NHLRC2: variants seen among roughly 807,000 people sequenced by gnomAD.
NHLRC2 encodes the protein NHL repeat containing 2.
NHLRC2 carries 33 observed loss-of-function variants against 68.1 expected under a neutral mutation model. That is an observed-to-expected ratio of 0.48 (90% CI 0.37 to 0.65). NHLRC2 has a LOEUF of 0.65. NHLRC2 is among the 30% of genes least tolerant of loss of function. NHLRC2 has a pLI of 0.00. For synonymous variants in NHLRC2, 311 were observed against 309.6 expected (o/e 1.00, Z -0.05); for missense variants, 761 against 853.8 (o/e 0.89, Z 1.35).
At chr10:113,858,148 G>C (rs1845778083) in intron 1 of NHLRC2, among the ~76,000 whole-genome samples, 1 of 149,684 alleles carries the variant, frequency 6.7e-6, no homozygotes, top group Admixed American at 6.7e-5. Context: ...TTTATTTGCA[G>C]ATGGCATCAT....
At chr10:113,856,326 A>G (rs377158667) in intron 1 of NHLRC2, among the ~76,000 whole-genome samples, 43 of 152,306 alleles carry the variant, frequency 2.8e-4, no homozygotes, top group African/African-American at 4.3e-4. Context: ...TGGGAGGTAT[A>G]TCGGAACCTG....
Position 113,908,646 on chromosome 10 carries a change from C to A in NHLRC2, c.*110C>A. 1 of 967,440 alleles carries A rather than the reference C, an allele frequency of 1.0e-6. No homozygotes were observed. Among genetic ancestry groups the A allele is most frequent in the East Asian group, 2.6e-5 (1 of 38,722 alleles). 59.9% of individuals were successfully genotyped at this position (967,440 alleles called of 1,614,324 possible). A position where few individuals can be genotyped will look rare whatever the true frequency, so the allele number is the denominator to read the frequency against. On this transcript the variant is annotated 3_prime_UTR_variant, in exon 11 of 11. Coordinates refer to ENST00000369301, the MANE Select transcript of NHLRC2 (RefSeq NM_198514.4). ...GTTCTGCCTCTGGATACCAAGATGC[C>A]CATTGCTCAGTTCAGACAACTGATA...
intron 1 of NHLRC2, among the ~76,000 whole-genome samples, chr10:113,856,908 T>C (rs1295395727): frequency 6.6e-6 from 1 of 152,184 alleles, no homozygotes; most frequent in Non-Finnish European, 1.5e-5. Flanking sequence ...GACAGTGCAG[T>C]GTAATGGATA....
intron 4 of NHLRC2, among the ~76,000 whole-genome samples, chr10:113,881,797 CGTT>C (rs1846038111): frequency 6.6e-6 from 1 of 151,658 alleles, no homozygotes. Context: ...TGTAACCATA[CGTT>C]GTTTTTAAAA....
At chr10:113,903,479 C>T (rs1846245856) in intron 8 of NHLRC2, 48 bp from the exon 9 acceptor site, 5 of 1,162,814 alleles carry the variant, frequency 4.3e-6, no homozygotes, top group African/African-American at 1.5e-5. Context: ...ATACAACAAA[C>T]ATGAGATTGA....
rs547903761 is a variant in NHLRC2, at chr10:113,905,955, A to G, written c.1924+919A>G. On this transcript the variant is annotated intron_variant, in intron 10 of 10. Coordinates refer to ENST00000369301, the MANE Select transcript of NHLRC2 (RefSeq NM_198514.4). ...GAAACCACCCCTTGTCACTTCCCACAAGGGGGAAGGCTAACCATGTACTAG... is the reference window on the plus strand; with the variant it reads ...GAAACCACCCCTTGTCACTTCCCACGAGGGGGAAGGCTAACCATGTACTAG... 2.4e-4 allele frequency among the ~76,000 whole-genome samples: 37 copies of G among 152,158 alleles called. No individual in the cohort carries two copies. In the South Asian group the frequency reaches 7.3e-3, roughly 30 times the overall value.
chr10:113,882,380 A>C (rs1374118174), intron 4 of NHLRC2, among the ~76,000 whole-genome samples: 1 of 151,716 alleles, frequency 6.6e-6, no homozygotes, highest in Non-Finnish European at 1.5e-5. Flanking sequence ...TCATTTTTTA[A>C]AAATTCTAGC....
Position 113,904,373 on chromosome 10 carries a change from C to T in NHLRC2, c.1705-444C>T, listed in dbSNP as rs549345722. 1.2e-4 allele frequency among the ~76,000 whole-genome samples: 18 copies of T among 152,062 alleles called. No individual in the cohort carries two copies. In the South Asian group the frequency reaches 1.7e-3, roughly 14 times the overall value. ...AATGCAACAGTTTTTTTCTGAAAAACTGGTAATTTGCACGGTATATTTTTA... is the reference window on the plus strand; with the variant it reads ...AATGCAACAGTTTTTTTCTGAAAAATTGGTAATTTGCACGGTATATTTTTA... On this transcript the variant is annotated intron_variant, in intron 9 of 10. Coordinates refer to ENST00000369301, the MANE Select transcript of NHLRC2 (RefSeq NM_198514.4).
chr10:113,872,021 A>G (rs1845930465), intron 2 of NHLRC2, among the ~76,000 whole-genome samples: 1 of 152,172 alleles, frequency 6.6e-6, no homozygotes, highest in Admixed American at 6.5e-5. Flanking sequence ...GCACAAACAG[A>G]ATAGTCTCCT....
At chr10:113,880,525 C>T (rs528635404) in intron 4 of NHLRC2, among the ~76,000 whole-genome samples, 19 of 152,008 alleles carry the variant, frequency 1.2e-4, no homozygotes, top group Admixed American at 1.2e-3. Flanking sequence ...TCATCATACT[C>T]ATCCTGTCTA....
intron 4 of NHLRC2, among the ~76,000 whole-genome samples, chr10:113,883,466 A>G (rs1199911121): frequency 6.6e-6 from 1 of 151,928 alleles, no homozygotes; most frequent in Non-Finnish European, 1.5e-5. Context: ...GCTGGATAAA[A>G]TGTGCAATAA....
At position 113,914,533 on chromosome 10, in the gene NHLRC2, C is replaced by A; in HGVS notation, c.*5997C>A. 5.5e-6 allele frequency: 1 copy of A among 183,318 alleles called. No homozygotes were observed. 11.4% of individuals were successfully genotyped at this position (183,318 alleles called of 1,614,324 possible). On this transcript the variant is annotated 3_prime_UTR_variant, in exon 11 of 11. Transcript: ENST00000369301. ...ACCAATGATTATGATTCATGATCAC[C>A]TAAACACAGAATGCAGACTTAACTT...
At chr10:113,865,218 G>A (rs1245334683) in intron 2 of NHLRC2, among the ~76,000 whole-genome samples, 3 of 151,910 alleles carry the variant, frequency 2.0e-5, no homozygotes, top group South Asian at 4.2e-4. Context: ...CAAAGTGCTG[G>A]GATTACAGGT....
At chr10:113,905,068 T>A in intron 10 of NHLRC2, 32 bp downstream of exon 10, 1 of 1,064,562 alleles carries the variant, frequency 9.4e-7, no homozygotes, top group Non-Finnish European at 1.4e-6. Flanking sequence ...TACTAATACA[T>A]CATATATTCT....
chr10:113,905,334 C>G (rs372594141), intron 10 of NHLRC2, among the ~76,000 whole-genome samples: 1 of 152,182 alleles, frequency 6.6e-6, no homozygotes, highest in Non-Finnish European at 1.5e-5. Flanking sequence ...GTTCTTCATT[C>G]TATTCTTGTT....
intron 10 of NHLRC2, among the ~76,000 whole-genome samples, chr10:113,907,308 C>G (rs1846285511): frequency 6.6e-6 from 1 of 152,122 alleles, no homozygotes; most frequent in Non-Finnish European, 1.5e-5. Context: ...ACCCTGAGAA[C>G]AAAAGAAAGA....
intron 1 of NHLRC2, among the ~76,000 whole-genome samples, chr10:113,857,496 T>C (rs1019059597): frequency 2.6e-5 from 4 of 152,148 alleles, no homozygotes; most frequent in African/African-American, 7.2e-5. Context: ...ACAACAGTTA[T>C]TGTTGTTAAT....
chr10:113,865,260 G>A (rs1845855032), intron 2 of NHLRC2, among the ~76,000 whole-genome samples: 1 of 150,342 alleles, frequency 6.7e-6, no homozygotes, highest in South Asian at 2.1e-4. Flanking sequence ...CAAATGAGAG[G>A]TTTTTAAAAA....
chr10:113,900,834 T>G (rs1246602409), intron 6 of NHLRC2, among the ~76,000 whole-genome samples: 1 of 152,140 alleles, frequency 6.6e-6, no homozygotes, highest in Non-Finnish European at 1.5e-5. Flanking sequence ...GATGGTGAGT[T>G]CAGACTTTTG....
Sources: allele counts gnomAD v4.1 joint callset (sites outside exome capture counted in the v4.1 genomes callset), GRCh38; gene constraint gnomAD v4.1.1; transcripts MANE v1.5; gene names NCBI Gene and HGNC (gene_info 2026-07-23, HGNC 2026-07-21).